GFRAL: variants seen among roughly 807,000 people sequenced by gnomAD.
GFRAL encodes the protein GDNF family receptor alpha like, also known as GDNF family receptor alpha-like.
Under a neutral mutation model 45.4 loss-of-function variants are expected in GFRAL, and 36 were observed. That is an observed-to-expected ratio of 0.79 (90% CI 0.61 to 1.05). GFRAL has a LOEUF of 1.05. Ranked by LOEUF, GFRAL falls within the 50% of genes least tolerant of loss-of-function variation. GFRAL has a pLI of 0.00. For missense variants in GFRAL, 507 were observed against 467.5 expected, an observed-to-expected ratio of 1.08 and a Z score of -0.78; for synonymous variants, 166 against 154.1, an observed-to-expected ratio of 1.08 and a Z score of -0.57.
At chr6:55,401,481 T>G (rs1217731172) in intron 8 of GFRAL, among the ~76,000 whole-genome samples, 1 of 152,222 alleles carries the variant, frequency 6.6e-6, no homozygotes, top group African/African-American at 2.4e-5. Context: ...GATAGTTGCA[T>G]TTGTTTCATG....
At chr6:55,367,178 C>T (rs1187162661) in intron 6 of GFRAL, among the ~76,000 whole-genome samples, 2 of 116,070 alleles carry the variant, frequency 1.7e-5, no homozygotes, top group African/African-American at 3.9e-5. Flanking sequence ...TTGAATTGAT[C>T]CCTTTACCAT....
chr6:55,380,019 A>G (rs1051684711), intron 6 of GFRAL, among the ~76,000 whole-genome samples: 5 of 151,942 alleles, frequency 3.3e-5, no homozygotes, highest in African/African-American at 1.2e-4. Flanking sequence ...TGCATTGTGT[A>G]TGTATATCAC....
In GFRAL at chr6:55,402,032, A is replaced by G; in HGVS notation, c.*179A>G. On this transcript the variant is annotated 3_prime_UTR_variant, in exon 9 of 9. Coordinates refer to ENST00000340465, the MANE Select transcript of GFRAL (RefSeq NM_207410.2). The stretch of plus-strand genomic sequence containing the variant: ...GCTCTTGTTGCCCAGGCTGCAGTAC[A>G]ATGGCTCAATCTCGGTTCACTGCAA... 2 of 490,858 alleles carry G rather than the reference A, an allele frequency of 4.1e-6. No individual in the cohort carries two copies. The highest frequency in any genetic ancestry group is 7.1e-6 in the Non-Finnish European group (2 of 282,312). The allele number at this position is 490,858 out of a possible 1,614,324, so 30.4% of individuals were successfully genotyped here.
Position 55,369,709 on chromosome 6 carries a change from T to G in GFRAL, c.952+10571T>G, listed in dbSNP as rs150331449. Among the ~76,000 whole-genome samples, 509 of 152,268 alleles carry G rather than the reference T, an allele frequency of 3.3e-3. 5 individuals are homozygous for G. Among genetic ancestry groups the G allele is most frequent in the African/African-American group, 0.012 (486 of 41,570 alleles). On this transcript the variant is annotated intron_variant, in intron 6 of 8. Transcript: ENST00000340465. ...TGGTAGACACTGAAAAAAAAACAGT[T>G]TGTTTCTGTTACATTTTAATGAGAA...
At chr6:55,335,651 C>A (rs894126089) in intron 3 of GFRAL, among the ~76,000 whole-genome samples, 3 of 152,054 alleles carry the variant, frequency 2.0e-5, no homozygotes, top group African/African-American at 4.8e-5. Flanking sequence ...TTCTTCCCTG[C>A]AAATATCTAA....
chr6:55,370,345 A>T (rs1036512463), intron 6 of GFRAL, among the ~76,000 whole-genome samples: 2 of 151,950 alleles, frequency 1.3e-5, no homozygotes, highest in African/African-American at 4.8e-5. Context: ...TCCAATCAAT[A>T]TATTGTTTAG....
chr6:55,374,033 G>C (rs1264030700), intron 6 of GFRAL, among the ~76,000 whole-genome samples: 1 of 152,128 alleles, frequency 6.6e-6, no homozygotes, highest in African/African-American at 2.4e-5. Context: ...GTTTGCTGAG[G>C]ATAATGGCTT....
intron 6 of GFRAL, among the ~76,000 whole-genome samples, chr6:55,382,756 C>A (rs985040731): frequency 3.3e-5 from 5 of 151,926 alleles, no homozygotes; most frequent in Non-Finnish European, 2.9e-5. Flanking sequence ...AGATAAGTAA[C>A]CATAAACAAG....
intron 6 of GFRAL, among the ~76,000 whole-genome samples, chr6:55,395,173 AAAAT>A (rs1380878033): frequency 4.2e-4 from 43 of 103,566 alleles, no homozygotes; most frequent in Admixed American, 2.4e-3. Context: ...AAAAAAAAAA[AAAAT>A]ATATATATAT....
chr6:55,338,753 G>T (rs1767922607), intron 3 of GFRAL, among the ~76,000 whole-genome samples: 2 of 152,158 alleles, frequency 1.3e-5, no homozygotes, highest in South Asian at 4.1e-4. Context: ...AGCATTTGGG[G>T]AGCAACAATT....
Position 55,395,175 on chromosome 6 carries a change from A to AATAT in GFRAL, c.953-3989_953-3986dup, listed in dbSNP as rs1234650477. 2.3e-3 allele frequency among the ~76,000 whole-genome samples: 284 copies of AATAT among 123,464 alleles called. 1 individual carries two copies. Among genetic ancestry groups the AATAT allele is most frequent in the Non-Finnish European group, 2.7e-3 (164 of 61,592 alleles). The allele number at this position is 123,464 out of a possible 152,430, so 81.0% of individuals were successfully genotyped here. On this transcript the variant is annotated intron_variant, in intron 6 of 8. Coordinates refer to ENST00000340465, the MANE Select transcript of GFRAL (RefSeq NM_207410.2). The stretch of plus-strand genomic sequence containing the variant: ...AATCAGCCTATGGAAAAAAAAAAAA[A>AATAT]ATATATATATATATATATAAGCCAG...
chr6:55,336,468 G>C (rs1384898215), intron 3 of GFRAL, among the ~76,000 whole-genome samples: 2 of 151,982 alleles, frequency 1.3e-5, no homozygotes, highest in Non-Finnish European at 2.9e-5. Flanking sequence ...AACTTTTTAG[G>C]CTTCTACAAA....
intron 6 of GFRAL, among the ~76,000 whole-genome samples, chr6:55,375,401 T>A (rs890165309): frequency 6.6e-6 from 1 of 152,076 alleles, no homozygotes; most frequent in African/African-American, 2.4e-5. Context: ...AATGCGAGTT[T>A]GTTCATAATT....
intron 6 of GFRAL, among the ~76,000 whole-genome samples, chr6:55,382,833 A>G (rs1768628685): frequency 6.6e-6 from 1 of 151,988 alleles, no homozygotes; most frequent in Admixed American, 6.6e-5. Context: ...ATTTCTAACT[A>G]AGAATGTTGG....
chr6:55,367,343 G>A (rs1286483083), intron 6 of GFRAL, among the ~76,000 whole-genome samples: 3 of 142,680 alleles, frequency 2.1e-5, no homozygotes, highest in East Asian at 1.9e-4. Flanking sequence ...GTCTCTGCAC[G>A]TGAGATGGGT....
intron 8 of GFRAL, among the ~76,000 whole-genome samples, chr6:55,400,441 T>C (rs1317269190): frequency 6.6e-6 from 1 of 152,112 alleles, no homozygotes; most frequent in Non-Finnish European, 1.5e-5. Context: ...CCTCCAGAGA[T>C]CTCAGACTTA....
chr6:55,359,164 G>GTTTA (rs1554188847), intron 6 of GFRAL, 26 bp downstream of exon 6: 1 of 1,365,918 alleles, frequency 7.3e-7, no homozygotes, highest in Non-Finnish European at 1.0e-6. Context: ...AAAATTATCT[G>GTTTA]TCTATCTATC....
chr6:55,332,152 T>A (rs79759088), intron 2 of GFRAL, among the ~76,000 whole-genome samples: 6,230 of 152,004 alleles, frequency 0.041, 799 homozygotes, highest in East Asian at 0.33. Flanking sequence ...ATGGCACTAT[T>A]TTTTTTCAAA....
At chr6:55,370,734 A>G (rs1296804925) in intron 6 of GFRAL, among the ~76,000 whole-genome samples, 1 of 152,232 alleles carries the variant, frequency 6.6e-6, no homozygotes, top group Non-Finnish European at 1.5e-5. Flanking sequence ...CTTCATGGAC[A>G]TGTGGCCAAT....
Sources: allele counts gnomAD v4.1 joint callset (sites outside exome capture counted in the v4.1 genomes callset), GRCh38; gene constraint gnomAD v4.1.1; transcripts MANE v1.5; gene names NCBI Gene and HGNC (gene_info 2026-07-23, HGNC 2026-07-21).